CARS2: variants seen among roughly 807,000 people sequenced by gnomAD.
CARS2 encodes probable cysteine--tRNA ligase, mitochondrial.
In CARS2, 52 loss-of-function variants were observed where a neutral mutation model predicts 68.8. That is an observed-to-expected ratio of 0.76 (90% CI 0.61 to 0.95). The LOEUF (loss-of-function observed/expected upper bound fraction) is 0.95, where lower values mean the gene tolerates loss of function less well. CARS2 is among the 40% of genes least tolerant of loss of function. The pLI is 0.00. For synonymous variants in CARS2, 314 were observed against 303.6 expected, an observed-to-expected ratio of 1.03 and a Z score of -0.36; for missense variants, 780 against 754.2, an observed-to-expected ratio of 1.03 and a Z score of -0.40.
upstream of CARS2, among the ~76,000 whole-genome samples, chr13:110,706,983 T>C (rs1304549210): frequency 1.4e-4 from 19 of 133,066 alleles, no homozygotes; most frequent in African/African-American, 2.6e-4. Flanking sequence ...CAGTGTGCAC[T>C]CCAATACAGT....
At chr13:110,662,480 C>T (rs1228770577) in intron 9 of CARS2, among the ~76,000 whole-genome samples, 2 of 152,282 alleles carry the variant, frequency 1.3e-5, no homozygotes, top group Admixed American at 6.5e-5. Flanking sequence ...TCCACCTCCA[C>T]GTGTGCCGTG....
upstream of CARS2, among the ~76,000 whole-genome samples, chr13:110,706,730 CAAG>C (rs1376773611): frequency 1.3e-5 from 2 of 150,928 alleles, no homozygotes; most frequent in African/African-American, 4.9e-5. Context: ...GTCTGCACCC[CAAG>C]AAGTGTGCAC....
intron 3 of CARS2, among the ~76,000 whole-genome samples, chr13:110,694,800 T>C (rs2063573541): frequency 6.6e-6 from 1 of 152,174 alleles, no homozygotes; most frequent in African/African-American, 2.4e-5. Flanking sequence ...TTATTATAAT[T>C]TAAAATATTT....
At chr13:110,658,507 T>TA (rs2062425745) in intron 9 of CARS2, among the ~76,000 whole-genome samples, 1 of 152,352 alleles carries the variant, frequency 6.6e-6, no homozygotes, top group South Asian at 2.1e-4. Context: ...ACTTTTATGT[T>TA]ACGTGGTTTT....
At chr13:110,669,287 T>C (rs922036150) in intron 7 of CARS2, among the ~76,000 whole-genome samples, 2 of 152,080 alleles carry the variant, frequency 1.3e-5, no homozygotes, top group African/African-American at 2.4e-5. Flanking sequence ...CGGCGCTGAA[T>C]ACTCAAGCTG....
Position 110,705,066 on chromosome 13 carries a change from C to A in CARS2, c.275+455G>T, listed in dbSNP as rs779833269. On this transcript the variant is annotated intron_variant, in intron 2 of 14. Coordinates refer to ENST00000257347, the MANE Select transcript of CARS2 (RefSeq NM_024537.4). This position sits in a 1 kb window ranked among gnomAD's most constrained non-coding sequence, Gnocchi z 4.0. Reference sequence around the variant, plus strand: ...ACATGTGAGGTACAGTGTTAAGCAGCATTTTATGGGCATTATTTACTAAAA... The same window carrying A: ...ACATGTGAGGTACAGTGTTAAGCAGAATTTTATGGGCATTATTTACTAAAA... 6.6e-5 allele frequency among the ~76,000 whole-genome samples: 10 copies of A among 152,162 alleles called. No individual in the cohort carries two copies. The highest frequency in any genetic ancestry group is 1.3e-4 in the Non-Finnish European group (9 of 68,030).
chr13:110,694,107 A>C (rs72661698), intron 3 of CARS2, among the ~76,000 whole-genome samples: 17,207 of 151,812 alleles, frequency 0.11, 1,368 homozygotes, highest in African/African-American at 0.21. Flanking sequence ...AGCTCACCGC[A>C]ACCTCTGCCT....
chr13:110,660,626 G>A (rs2062477255), intron 9 of CARS2, among the ~76,000 whole-genome samples: 1 of 152,172 alleles, frequency 6.6e-6, no homozygotes, highest in Admixed American at 6.5e-5. Flanking sequence ...TATTTGGAAA[G>A]GAATCCTTTT....
chr13:110,674,565 G>T (rs1211462315), intron 7 of CARS2, among the ~76,000 whole-genome samples: 1 of 152,062 alleles, frequency 6.6e-6, no homozygotes, highest in Admixed American at 6.6e-5. Flanking sequence ...ATTCAAGATG[G>T]ATTAAAGACT....
At chr13:110,657,297 C>T (rs1053998493) in intron 9 of CARS2, among the ~76,000 whole-genome samples, 10 of 152,220 alleles carry the variant, frequency 6.6e-5, no homozygotes, top group Non-Finnish European at 1.0e-4. Context: ...CCTGAAAAAG[C>T]GTAGACGCAG....
chr13:110,712,882 A>G (rs1232006849), intron 1 of CARS2: 2 of 1,396,018 alleles, frequency 1.4e-6, no homozygotes, highest in Non-Finnish European at 2.0e-6. Flanking sequence ...TTCCAAACTG[A>G]GTACCGGGAG....
chr13:110,704,108 G>A (rs557416863), intron 2 of CARS2, among the ~76,000 whole-genome samples: 1 of 152,338 alleles, frequency 6.6e-6, no homozygotes, highest in South Asian at 2.1e-4. Context: ...AATTTCTGTT[G>A]TTTATAAGTC....
chr13:110,690,952 T>C (rs942118473), intron 3 of CARS2, among the ~76,000 whole-genome samples: 1 of 152,260 alleles, frequency 6.6e-6, no homozygotes, highest in African/African-American at 2.4e-5. Flanking sequence ...TGACCTGTAG[T>C]TATCCACACC....
At chr13:110,654,169 C>T (rs947269004) in intron 9 of CARS2, among the ~76,000 whole-genome samples, 14 of 152,166 alleles carry the variant, frequency 9.2e-5, no homozygotes, top group African/African-American at 1.7e-4. Flanking sequence ...ATGATGCCAG[C>T]GCTGCACACA....
chr13:110,670,248 A>T lies in CARS2; in HGVS notation c.786-2775T>A, dbSNP rs1334061305. 6.6e-6 allele frequency among the ~76,000 whole-genome samples: 1 copy of T among 152,242 alleles called. No individual in the cohort carries two copies. The highest frequency in any genetic ancestry group is 1.5e-5 in the Non-Finnish European group (1 of 68,046). On this transcript the variant is annotated intron_variant, in intron 7 of 14. Coordinates refer to ENST00000257347, the MANE Select transcript of CARS2 (RefSeq NM_024537.4). The surrounding 1 kb of genome is among the most constrained non-coding windows in gnomAD (Gnocchi z 4.1). ...CGGAGTTTGAGATCTGAGAACGGAC[A>T]GACTGCCTCCTCAAGTGGGTCCCTG...
chr13:110,690,674 G>A (rs2063433224), intron 3 of CARS2, among the ~76,000 whole-genome samples: 1 of 152,214 alleles, frequency 6.6e-6, no homozygotes, highest in Non-Finnish European at 1.5e-5. Context: ...GCCCAAGTGT[G>A]CCTGTGAGCT....
chr13:110,685,235 G>A (rs748252765), intron 5 of CARS2, among the ~76,000 whole-genome samples: 1 of 152,076 alleles, frequency 6.6e-6, no homozygotes, highest in Non-Finnish European at 1.5e-5. Flanking sequence ...GCTTGAACCC[G>A]GGAGGCGGAG....
intron 14 of CARS2, 33 bp downstream of exon 14, chr13:110,642,282 G>A (rs1254576058): frequency 1.3e-6 from 2 of 1,518,992 alleles, no homozygotes; most frequent in East Asian, 2.5e-5. Context: ...CCGGCTCCTG[G>A]GGTGATGTCC....
In CARS2 at chr13:110,670,854, T is replaced by C. The variant is rs187960472; in HGVS notation, c.786-3381A>G. Among the ~76,000 whole-genome samples, 290 of 152,162 alleles carry C rather than the reference T, an allele frequency of 1.9e-3. 3 individuals are homozygous for C. Among genetic ancestry groups the C allele is most frequent in the African/African-American group, 6.4e-3 (267 of 41,512 alleles). ...GAATGGCTAACCAGAATAAACAGCA[T>C]AGACAAGACCTTAAATGACCTGATG... On this transcript the variant is annotated intron_variant, in intron 7 of 14. Coordinates refer to ENST00000257347, the MANE Select transcript of CARS2 (RefSeq NM_024537.4). The surrounding 1 kb of genome is among the most constrained non-coding windows in gnomAD (Gnocchi z 4.1).
Sources: gnomAD v4.1 joint callset for allele counts (sites outside exome capture counted in the v4.1 genomes callset) on GRCh38, gnomAD v4.1.1 for gene constraint, Gnocchi (gnomAD v3.1) non-coding constraint, MANE v1.5 for transcripts, NCBI Gene and HGNC (gene_info 2026-07-23, HGNC 2026-07-21) for gene names.